The following DCC variants were observed in gnomAD, a reference collection of about 807,000 sequenced individuals.
DCC encodes the protein DCC netrin 1 receptor, also known as netrin receptor DCC.
DCC carries 58 observed loss-of-function variants against 172.5 expected under a neutral mutation model. The observed-to-expected ratio is 0.34, with a 90% CI of 0.27 to 0.42. The LOEUF is 0.42. Ranked by LOEUF, DCC falls within the 10% of genes least tolerant of loss-of-function variation. The pLI, the probability that DCC is intolerant of heterozygous loss-of-function variation, is 1.00. For missense variants in DCC, 1,740 were observed against 1,791.0 expected (o/e 0.97, Z 0.51); for synonymous variants, 709 against 644.5 (o/e 1.10, Z -1.52).
At chr18:52,896,463 TC>T (rs1391355679) in intron 2 of DCC, among the ~76,000 whole-genome samples, 1 of 152,180 alleles carries the variant, frequency 6.6e-6, no homozygotes, top group Non-Finnish European at 1.5e-5. Context: ...TTATTTGCTA[TC>T]TAGTACCTTC....
chr18:53,170,994 C>T (rs1389493966), intron 8 of DCC, among the ~76,000 whole-genome samples: 4 of 152,150 alleles, frequency 2.6e-5, no homozygotes, highest in African/African-American at 9.7e-5. Flanking sequence ...AAGTGATTCT[C>T]GTGCCTCAGC....
At chr18:53,307,175 G>T (rs1313284745) in intron 13 of DCC, among the ~76,000 whole-genome samples, 1 of 152,134 alleles carries the variant, frequency 6.6e-6, no homozygotes, top group Non-Finnish European at 1.5e-5. Context: ...TTCCAAAGTA[G>T]ATTGCCAAAA....
intron 5 of DCC, among the ~76,000 whole-genome samples, chr18:53,027,599 A>G (rs1225701350): frequency 6.6e-6 from 1 of 152,098 alleles, no homozygotes; most frequent in Admixed American, 6.6e-5. Context: ...TTTGTAAAAC[A>G]TTTCGGTATG....
intron 5 of DCC, among the ~76,000 whole-genome samples, chr18:53,025,345 G>A (rs1476188657): frequency 2.0e-5 from 3 of 152,116 alleles, no homozygotes; most frequent in Admixed American, 2.0e-4. Context: ...TAGGTTAACG[G>A]GGTAGATTTC....
intron 1 of DCC, among the ~76,000 whole-genome samples, chr18:52,668,056 AAC>A (rs1240304170): frequency 1.5e-5 from 2 of 136,760 alleles, no homozygotes; most frequent in Non-Finnish European, 3.3e-5. Context: ...AAAAAACAAC[AAC>A]AAAAAAAAAC....
Position 53,198,454 on chromosome 18 carries a change from T to TCA in DCC, c.1574-6749_1574-6748dup, listed in dbSNP as rs527863673. Reference sequence around the variant, plus strand: ...GCAGCTCTCTCTCTCTCTCTCTCTCTCACACACACACACATACAGACACAC... The same window carrying TCA: ...GCAGCTCTCTCTCTCTCTCTCTCTCTCACACACACACACACATACAGACACAC... On this transcript the variant is annotated intron_variant, in intron 9 of 28. Transcript: ENST00000442544. 6.1e-3 allele frequency among the ~76,000 whole-genome samples: 876 copies of TCA among 144,696 alleles called. 7 individuals are homozygous for TCA. Among genetic ancestry groups the TCA allele is most frequent in the Non-Finnish European group, 6.9e-3 (444 of 64,788 alleles). The allele number at this position is 144,696 out of a possible 152,430, so 94.9% of individuals were successfully genotyped here.
intron 5 of DCC, among the ~76,000 whole-genome samples, chr18:52,966,540 T>C (rs1014874440): frequency 1.3e-5 from 2 of 152,072 alleles, no homozygotes; most frequent in Admixed American, 1.3e-4. Flanking sequence ...TGGCTTCCAG[T>C]GGATTGCCCA....
At chr18:52,473,395 C>T (rs752414931) in intron 1 of DCC, among the ~76,000 whole-genome samples, 3 of 152,212 alleles carry the variant, frequency 2.0e-5, no homozygotes, top group Non-Finnish European at 4.4e-5. Flanking sequence ...TTACCTTCCT[C>T]CATTTCTAAC....
chr18:53,270,170 C>CCATCCATAT (rs1385261495), intron 12 of DCC, among the ~76,000 whole-genome samples: 1 of 152,060 alleles, frequency 6.6e-6, no homozygotes, highest in Non-Finnish European at 1.5e-5. Flanking sequence ...TTTTATTTTT[C>CCATCCATAT]CATCCATATT....
At chr18:52,669,569 G>A (rs1371990703) in intron 1 of DCC, among the ~76,000 whole-genome samples, 4 of 152,196 alleles carry the variant, frequency 2.6e-5, no homozygotes, top group Admixed American at 2.0e-4. Flanking sequence ...TCATAATTTT[G>A]CAAAGGCGGT....
At chr18:52,777,392 C>T (rs1396517874) in intron 2 of DCC, among the ~76,000 whole-genome samples, 1 of 152,176 alleles carries the variant, frequency 6.6e-6, no homozygotes, top group Non-Finnish European at 1.5e-5. Context: ...TCACTCCAAT[C>T]TCAGTCTCCA....
At chr18:52,840,110 G>A (rs1435116537) in intron 2 of DCC, among the ~76,000 whole-genome samples, 1 of 152,172 alleles carries the variant, frequency 6.6e-6, no homozygotes, top group Non-Finnish European at 1.5e-5. Context: ...TGATGCTGAA[G>A]CTGGGGGTCT....
intron 15 of DCC, among the ~76,000 whole-genome samples, chr18:53,344,804 T>C (rs1173676175): frequency 1.1e-4 from 17 of 151,714 alleles, no homozygotes; most frequent in Admixed American, 1.1e-3. Flanking sequence ...TAAGATTATA[T>C]TGCATATTGC....
intron 14 of DCC, among the ~76,000 whole-genome samples, chr18:53,326,092 C>T (rs551581056): frequency 6.6e-6 from 1 of 152,300 alleles, no homozygotes; most frequent in African/African-American, 2.4e-5. Flanking sequence ...AAACATATTT[C>T]CACACAAATA....
chr18:53,516,147 A>G (rs1042245480), intron 27 of DCC, among the ~76,000 whole-genome samples: 3 of 150,974 alleles, frequency 2.0e-5, no homozygotes, highest in African/African-American at 5.0e-5. Context: ...ATAATGCCGC[A>G]TATCTACAAC....
chr18:52,815,472 CCT>C (rs1377092302), intron 2 of DCC, among the ~76,000 whole-genome samples: 2 of 151,968 alleles, frequency 1.3e-5, no homozygotes, highest in African/African-American at 4.8e-5. Flanking sequence ...CCCCTGCCCC[CCT>C]GTCCCCACCA....
intron 7 of DCC, among the ~76,000 whole-genome samples, chr18:53,129,251 T>C (rs1041311222): frequency 2.0e-5 from 3 of 152,092 alleles, no homozygotes; most frequent in Non-Finnish European, 4.4e-5. Context: ...TGATTTCTAT[T>C]ATGGAAGGTG....
intron 7 of DCC, among the ~76,000 whole-genome samples, chr18:53,115,322 T>C (rs904753423): frequency 2.0e-5 from 3 of 151,622 alleles, no homozygotes; most frequent in Non-Finnish European, 4.4e-5. Context: ...ATATCTAATA[T>C]ATTTTCATGG....
intron 1 of DCC, among the ~76,000 whole-genome samples, chr18:52,341,362 T>G (rs1203294495): frequency 6.6e-6 from 1 of 152,082 alleles, no homozygotes; most frequent in Non-Finnish European, 1.5e-5. Flanking sequence ...TTGGTTTGGA[T>G]TTTTGGACTT....
Sources: allele counts gnomAD v4.1 joint callset (sites outside exome capture counted in the v4.1 genomes callset), GRCh38; gene constraint gnomAD v4.1.1; transcripts MANE v1.5; gene names NCBI Gene and HGNC (gene_info 2026-07-23, HGNC 2026-07-21).